Variants in MRPS9 observed in about 807,000 individuals in gnomAD.
The protein encoded by MRPS9 is small ribosomal subunit protein uS9m.
MRPS9 carries 45 observed loss-of-function variants against 59.9 expected under a neutral mutation model. The observed-to-expected ratio is 0.75, with a 90% CI of 0.59 to 0.96. The LOEUF is 0.96. MRPS9 is among the 40% of genes least tolerant of loss of function. The pLI is 0.00. For missense variants in MRPS9, 473 were observed against 481.1 expected (o/e 0.98, Z 0.16); for synonymous variants, 171 against 166.8 (o/e 1.03, Z -0.19).
chr2:105,093,672 G>A (rs1327122694), intron 9 of MRPS9, 34 bp downstream of exon 9: 4 of 1,112,910 alleles, frequency 3.6e-6, no homozygotes, highest in East Asian at 2.4e-5. Flanking sequence ...TGTTTTTAAA[G>A]GAAACATACT....
At chr2:105,094,075 C>A (rs1332131424) in intron 9 of MRPS9, among the ~76,000 whole-genome samples, 1 of 152,130 alleles carries the variant, frequency 6.6e-6, no homozygotes, top group Non-Finnish European at 1.5e-5. Flanking sequence ...CAAGTAATTT[C>A]TTGTGGCTTG....
intron 2 of MRPS9, among the ~76,000 whole-genome samples, chr2:105,070,972 G>T (rs1373471371): frequency 6.6e-6 from 1 of 152,238 alleles, no homozygotes; most frequent in East Asian, 1.9e-4. Context: ...TGCACGACCA[G>T]CTGGGAGCTG....
intron 9 of MRPS9, among the ~76,000 whole-genome samples, chr2:105,095,497 T>C (rs1408437009): frequency 6.7e-6 from 1 of 148,868 alleles, no homozygotes; most frequent in African/African-American, 2.5e-5. Flanking sequence ...ATTTTTTTTT[T>C]CTTTTTTTTT....
At chr2:105,069,874 G>A (rs1680080771) in intron 2 of MRPS9, among the ~76,000 whole-genome samples, 1 of 151,896 alleles carries the variant, frequency 6.6e-6, no homozygotes, top group African/African-American at 2.4e-5. Context: ...TTACCTGGGT[G>A]TGATGGTGCA....
chr2:105,093,535 A>G lies in MRPS9; in HGVS notation c.826A>G (p.Arg276Gly), dbSNP rs373863935. 5.1e-5 allele frequency: 81 copies of G among 1,579,152 alleles called. No individual in the cohort carries two copies. Among genetic ancestry groups the G allele is most frequent in the Non-Finnish European group, 6.8e-5 (79 of 1,158,662 alleles). ...GMAFSKSEGK[R>G]KTAKAEAIVY... is the part of the protein sequence containing the mutation. Reference sequence around the variant, plus strand: ...GGAATTTTATATTTTTGAAGGTAAAAGAAAGACTGCAAAAGCAGAAGCAAT... The same window carrying G: ...GGAATTTTATATTTTTGAAGGTAAAGGAAAGACTGCAAAAGCAGAAGCAAT... Residue 276 changes from arginine to glycine, a missense_variant, in exon 9 of 11, where the codon AGA (arginine) becomes GGA (glycine). Coordinates refer to ENST00000258455, the MANE Select transcript of MRPS9 (RefSeq NM_182640.3).
chr2:105,097,589 A>G (rs912404252), intron 10 of MRPS9, among the ~76,000 whole-genome samples: 1 of 152,346 alleles, frequency 6.6e-6, no homozygotes, highest in Non-Finnish European at 1.5e-5. Flanking sequence ...AGGTCAGGGA[A>G]AAGTTAATTT....
rs1281419431 is a variant in MRPS9 at position 105,038,336 on chromosome 2, G to T, written c.135+109G>T. Reference sequence around the variant, plus strand: ...GCGTGCCTTCAGGCAGGGACTCTAGGATCTTAGGTATTTAGTGGAGGTCTG... The same window carrying T: ...GCGTGCCTTCAGGCAGGGACTCTAGTATCTTAGGTATTTAGTGGAGGTCTG... On this transcript the variant is annotated intron_variant, in intron 1 of 10. Coordinates refer to ENST00000258455, the MANE Select transcript of MRPS9 (RefSeq NM_182640.3). 6 of 1,419,676 alleles carry T rather than the reference G, an allele frequency of 4.2e-6. No individual in the cohort carries two copies. In the East Asian group the frequency reaches 7.5e-5, roughly 18 times the overall value. 87.9% of individuals were successfully genotyped at this position (1,419,676 alleles called of 1,614,324 possible). A position where few individuals can be genotyped will look rare whatever the true frequency, so the allele number is the denominator to read the frequency against.
At chr2:105,040,811 A>G (rs921236685) in intron 1 of MRPS9, among the ~76,000 whole-genome samples, 1 of 152,208 alleles carries the variant, frequency 6.6e-6, no homozygotes, top group East Asian at 1.9e-4. Flanking sequence ...CAGAAGTAAT[A>G]TGCCTGAGTC....
intron 1 of MRPS9, among the ~76,000 whole-genome samples, chr2:105,047,077 T>C (rs1444145446): frequency 6.6e-6 from 1 of 151,984 alleles, no homozygotes; most frequent in African/African-American, 2.4e-5. Context: ...CGCTGGGCTG[T>C]GGCAAGGGGA....
intron 4 of MRPS9, among the ~76,000 whole-genome samples, chr2:105,073,604 T>C (rs1221654006): frequency 6.6e-6 from 1 of 152,138 alleles, no homozygotes; most frequent in African/African-American, 2.4e-5. Context: ...TGGAAGCTTC[T>C]AGATTGAGTT....
At chr2:105,092,370 G>A (rs1263982012) in intron 7 of MRPS9, 31 bp from the exon 8 acceptor site, 6 of 1,552,996 alleles carry the variant, frequency 3.9e-6, no homozygotes, top group African/African-American at 1.4e-5. Flanking sequence ...AATTACACTT[G>A]CACCTTCTAA....
At chr2:105,046,290 T>C (rs1289752055) in intron 1 of MRPS9, among the ~76,000 whole-genome samples, 1 of 151,968 alleles carries the variant, frequency 6.6e-6, no homozygotes, top group Non-Finnish European at 1.5e-5. Flanking sequence ...ACAGACCATC[T>C]TCTATTTCAT....
intron 5 of MRPS9, among the ~76,000 whole-genome samples, chr2:105,087,800 T>TTCCTTCCTTCCTTCCTTCC (rs140899289): frequency 7.2e-6 from 1 of 138,590 alleles, no homozygotes; most frequent in African/African-American, 2.7e-5. Context: ...TCCTGCCTTT[T>TTCCTTCCTTCCTTCCTTCC]TTCCTTCCTT....
intron 5 of MRPS9, among the ~76,000 whole-genome samples, chr2:105,084,063 G>T (rs1045458678): frequency 5.3e-5 from 8 of 151,948 alleles, no homozygotes; most frequent in Non-Finnish European, 1.2e-4. Context: ...TTTTACAAAA[G>T]CTCCCCTCAT....
chr2:105,078,995 A>G (rs1680270024), intron 4 of MRPS9, among the ~76,000 whole-genome samples: 1 of 152,176 alleles, frequency 6.6e-6, no homozygotes, highest in East Asian at 1.9e-4. Context: ...GCCACAGTAT[A>G]CTTCAGCAGA....
intron 4 of MRPS9, among the ~76,000 whole-genome samples, chr2:105,073,889 G>A (rs77235276): frequency 0.018 from 2,694 of 152,256 alleles, 81 homozygotes; most frequent in African/African-American, 0.062. Context: ...AGGCTATAAC[G>A]AATTTGAATA....
chr2:105,049,738 G>T (rs73945003), intron 2 of MRPS9, among the ~76,000 whole-genome samples: 31,465 of 151,998 alleles, frequency 0.21, 3,333 homozygotes, highest in Middle Eastern at 0.35. Flanking sequence ...TATATCTGAG[G>T]TTTCAAAATG....
intron 1 of MRPS9, among the ~76,000 whole-genome samples, chr2:105,043,708 C>T (rs1291232746): frequency 6.6e-6 from 1 of 152,048 alleles, no homozygotes; most frequent in East Asian, 1.9e-4. Context: ...AATCTCGGCT[C>T]ACTGCAACCT....
chr2:105,067,537 A>G (rs1276697692), intron 2 of MRPS9, among the ~76,000 whole-genome samples: 1 of 152,120 alleles, frequency 6.6e-6, no homozygotes, highest in Non-Finnish European at 1.5e-5. Flanking sequence ...TCTATAGGGT[A>G]ATATTCTGAG....
Sources: allele counts gnomAD v4.1 joint callset (sites outside exome capture counted in the v4.1 genomes callset), GRCh38; gene constraint gnomAD v4.1.1; transcripts MANE v1.5; gene names NCBI Gene and HGNC (gene_info 2026-07-23, HGNC 2026-07-21).